The following PDE4D variants were observed in gnomAD, a reference collection of about 807,000 sequenced individuals.
PDE4D encodes the protein 3',5'-cyclic-AMP phosphodiesterase 4D.
In PDE4D, 24 loss-of-function variants were observed where a neutral mutation model predicts 87.4. The observed-to-expected ratio is 0.27, with a 90% CI of 0.20 to 0.39. The LOEUF is 0.39. Ranked by LOEUF, PDE4D falls within the 10% of genes least tolerant of loss-of-function variation. The probability of loss-of-function intolerance (pLI) is 1.00; values close to 1 mark genes in which losing one functional copy is unlikely to be tolerated. For missense variants in PDE4D, 714 were observed against 1,041.0 expected, an observed-to-expected ratio of 0.69 and a Z score of 4.32; for synonymous variants, 384 against 383.2, an observed-to-expected ratio of 1.00 and a Z score of -0.02.
At chr5:59,171,045 C>T (rs1434443107) in intron 5 of PDE4D, among the ~76,000 whole-genome samples, 1 of 152,014 alleles carries the variant, frequency 6.6e-6, no homozygotes, top group Non-Finnish European at 1.5e-5. Context: ...CCACGCCTGG[C>T]TAATTTTTGT....
intron 1 of PDE4D, chr5:59,356,809 G>C (rs1582135472): frequency 6.4e-7 from 1 of 1,563,166 alleles, no homozygotes; most frequent in African/African-American, 1.4e-5. Flanking sequence ...AGATGGTCCT[G>C]GCACCGTGGC....
chr5:59,956,249 A>G (rs189318419), intron 3 of PDE4D, among the ~76,000 whole-genome samples: 19 of 152,236 alleles, frequency 1.2e-4, no homozygotes, highest in African/African-American at 4.6e-4. Flanking sequence ...CACACAACTA[A>G]TAACAACCTT....
At chr5:59,379,186 T>A (rs2059174) in intron 1 of PDE4D, among the ~76,000 whole-genome samples, 23,237 of 151,910 alleles carry the variant, frequency 0.15, 1,819 homozygotes, top group East Asian at 0.22. Context: ...AAAAAGTGAC[T>A]CTAATGATGT....
intron 1 of PDE4D, among the ~76,000 whole-genome samples, chr5:60,415,570 C>T (rs528106848): frequency 2.0e-5 from 3 of 152,242 alleles, no homozygotes; most frequent in Non-Finnish European, 4.4e-5. Flanking sequence ...GGCCCCGCCA[C>T]CCCGGGCAGT....
chr5:59,695,676 G>A (rs553160958), intron 1 of PDE4D, among the ~76,000 whole-genome samples: 10 of 152,114 alleles, frequency 6.6e-5, no homozygotes, highest in Admixed American at 3.3e-4. Flanking sequence ...AACACAGTTC[G>A]CTGCAGCCTT....
intron 1 of PDE4D, among the ~76,000 whole-genome samples, chr5:59,445,503 G>C (rs1283625566): frequency 6.6e-6 from 1 of 152,130 alleles, no homozygotes; most frequent in Admixed American, 6.5e-5. Context: ...GTCTGTAGTT[G>C]TAAAGAAAGT....
At position 58,970,868 on chromosome 5, in the gene PDE4D, C is replaced by T. The variant is rs2153290348; in HGVS notation, c.*3796G>A. 1 of 148,568 alleles carries T rather than the reference C, an allele frequency of 6.7e-6. No individual in the cohort carries two copies. Among genetic ancestry groups the T allele is most frequent in the Non-Finnish European group, 1.5e-5 (1 of 67,216 alleles). 9.2% of individuals were successfully genotyped at this position (148,568 alleles called of 1,614,324 possible). A position where few individuals can be genotyped will look rare whatever the true frequency, so the allele number is the denominator to read the frequency against. On this transcript the variant is annotated 3_prime_UTR_variant, in exon 15 of 15. Coordinates refer to ENST00000340635, the MANE Select transcript of PDE4D (RefSeq NM_001104631.2). Reference sequence around the variant, plus strand: ...AAAAAAGAAAAAGATTGTTTATAATCACTGGGAAAGAATATATTTCCCCAG... The same window carrying T: ...AAAAAAGAAAAAGATTGTTTATAATTACTGGGAAAGAATATATTTCCCCAG...
intron 2 of PDE4D, among the ~76,000 whole-genome samples, chr5:60,083,404 A>G (rs888103115): frequency 1.3e-5 from 2 of 152,242 alleles, no homozygotes; most frequent in African/African-American, 2.4e-5. Flanking sequence ...GGCTGTAGCA[A>G]AAACACTCAA....
chr5:59,371,440 A>C (rs553167441), intron 1 of PDE4D, among the ~76,000 whole-genome samples: 7 of 152,226 alleles, frequency 4.6e-5, no homozygotes, highest in Non-Finnish European at 8.8e-5. Flanking sequence ...CCTTTTTCCC[A>C]GTATTCAAGA....
At chr5:60,511,711 G>A (rs956904144) in intron 1 of PDE4D, among the ~76,000 whole-genome samples, 1 of 151,766 alleles carries the variant, frequency 6.6e-6, no homozygotes, top group Non-Finnish European at 1.5e-5. Flanking sequence ...AAGGAACAGA[G>A]CTACTATTCC....
At chr5:60,115,011 G>A (rs888729138) in intron 2 of PDE4D, among the ~76,000 whole-genome samples, 1 of 141,760 alleles carries the variant, frequency 7.1e-6, no homozygotes, top group African/African-American at 2.6e-5. Flanking sequence ...CCTCACAACA[G>A]TTCCTAAAAG....
chr5:60,343,218 A>C (rs1375752770), intron 1 of PDE4D, among the ~76,000 whole-genome samples: 2 of 152,146 alleles, frequency 1.3e-5, no homozygotes, highest in Non-Finnish European at 2.9e-5. Context: ...AGTTCTTGTC[A>C]TCAATGAACT....
chr5:59,129,639 C>T (rs1775988156), intron 5 of PDE4D, among the ~76,000 whole-genome samples: 2 of 152,108 alleles, frequency 1.3e-5, no homozygotes, highest in Non-Finnish European at 2.9e-5. Flanking sequence ...TTCCCTATCC[C>T]CAATAGTTTT....
chr5:60,337,065 A>T (rs1393375957), intron 1 of PDE4D, among the ~76,000 whole-genome samples: 1 of 151,320 alleles, frequency 6.6e-6, no homozygotes, highest in African/African-American at 2.4e-5. Context: ...TATGCTTGTA[A>T]TCTCAGCACT....
At chr5:59,509,324 T>C (rs1809851627) in intron 1 of PDE4D, among the ~76,000 whole-genome samples, 1 of 150,720 alleles carries the variant, frequency 6.6e-6, no homozygotes, top group Admixed American at 6.6e-5. Flanking sequence ...CAAAATAAGA[T>C]AGTAAGAAAA....
At chr5:60,288,419 A>G (rs1752610420) in intron 1 of PDE4D, among the ~76,000 whole-genome samples, 1 of 152,210 alleles carries the variant, frequency 6.6e-6, no homozygotes, top group Non-Finnish European at 1.5e-5. Flanking sequence ...CACCCCCAGA[A>G]AAGTTTGACA....
chr5:59,412,780 G>A (rs1267563406), intron 1 of PDE4D, among the ~76,000 whole-genome samples: 1 of 152,164 alleles, frequency 6.6e-6, no homozygotes, highest in African/African-American at 2.4e-5. Flanking sequence ...ACCAAAATAT[G>A]GGAAACTATT....
intron 1 of PDE4D, among the ~76,000 whole-genome samples, chr5:59,429,194 A>G (rs1795747714): frequency 6.6e-6 from 1 of 152,192 alleles, no homozygotes; most frequent in East Asian, 1.9e-4. Context: ...CGTCCCACCA[A>G]CTAAAGAAGG....
chr5:60,130,897 T>C (rs975286634), intron 2 of PDE4D, among the ~76,000 whole-genome samples: 1 of 152,218 alleles, frequency 6.6e-6, no homozygotes, highest in African/African-American at 2.4e-5. Flanking sequence ...CTTATATGAC[T>C]TGTCTATGGA....
Sources: allele counts gnomAD v4.1 joint callset (sites outside exome capture counted in the v4.1 genomes callset), GRCh38; gene constraint gnomAD v4.1.1; transcripts MANE v1.5; gene names NCBI Gene and HGNC (gene_info 2026-07-23, HGNC 2026-07-21).